The following ART3 variants were observed in gnomAD, a reference collection of about 807,000 sequenced individuals.
ART3 encodes the protein ADP-ribosyltransferase 3 (inactive), also known as ecto-ADP-ribosyltransferase 3.
ART3 carries 49 observed loss-of-function variants against 48.5 expected under a neutral mutation model. That is an observed-to-expected ratio of 1.01 (90% CI 0.80 to 1.28). The LOEUF (loss-of-function observed/expected upper bound fraction) is 1.28, where lower values mean the gene tolerates loss of function less well. ART3 is among the 50% of genes most tolerant of loss of function. The pLI is 0.00. For missense variants in ART3, 438 were observed against 454.3 expected, an observed-to-expected ratio of 0.96 and a Z score of 0.33; for synonymous variants, 145 against 157.2, an observed-to-expected ratio of 0.92 and a Z score of 0.58.
At chr4:76,024,285 G>A (rs977700869) in intron 1 of ART3, among the ~76,000 whole-genome samples, 1 of 151,874 alleles carries the variant, frequency 6.6e-6, no homozygotes, top group East Asian at 1.9e-4. Flanking sequence ...TTGAGGAAAT[G>A]AATTTAAAAG....
chr4:76,019,112 CATA>C (rs1188584797), intron 1 of ART3, among the ~76,000 whole-genome samples: 1 of 145,820 alleles, frequency 6.9e-6, no homozygotes, highest in African/African-American at 2.5e-5. Flanking sequence ...GGAATTTGAA[CATA>C]ATAAGATTCT....
Position 76,081,985 on chromosome 4 carries a change from G to A in ART3, c.231G>A (p.Trp77Ter), listed in dbSNP as rs924418947. 5 of 1,614,008 alleles carry A rather than the reference G, an allele frequency of 3.1e-6. No homozygotes were observed. The highest frequency in any genetic ancestry group is 1.3e-5 in the African/African-American group (1 of 74,920). ...TGTGGGAAAATGCAAAAGCCAAATG[G>A]GCAGCCCGAAAGACTCAAATCTTTC... The part of the protein sequence containing the change: ...DTVWENAKAK[W>*]AARKTQIFLP... The change falls in exon 3 of 12, where the codon TGG (tryptophan) becomes TGA (stop). Residue 77 changes from tryptophan to a stop codon, truncating the protein, a stop_gained. Coordinates refer to ENST00000355810, the MANE Select transcript of ART3 (RefSeq NM_001130016.3). LOFTEE classifies it high-confidence loss of function.
At chr4:76,102,735 TGAGTA>T (rs2149686917) in intron 8 of ART3, among the ~76,000 whole-genome samples, 1 of 151,954 alleles carries the variant, frequency 6.6e-6, no homozygotes, top group African/African-American at 2.4e-5. Flanking sequence ...ATGTTAAGAA[TGAGTA>T]GAGTATTTCC....
chr4:76,081,672 A>G (rs1722505088), intron 2 of ART3, 152 bp from the exon 3 acceptor site: 1 of 693,934 alleles, frequency 1.4e-6, no homozygotes. Context: ...TAGCAATGGA[A>G]TATACTTCCT....
chr4:76,011,947 T>C (rs1181907069), intron 1 of ART3: 2 of 152,182 alleles, frequency 1.3e-5, no homozygotes, highest in South Asian at 4.1e-4. Flanking sequence ...AGAAACCTGA[T>C]GAGAGGATGT....
intron 10 of ART3, 34 bp from the exon 11 acceptor site, chr4:76,107,727 A>G (rs1438179164): frequency 7.5e-7 from 1 of 1,336,262 alleles, no homozygotes; most frequent in Non-Finnish European, 1.0e-6. Context: ...ACAGATATAC[A>G]ATATAACTAA....
chr4:76,024,585 A>G (rs1450864680), intron 1 of ART3, among the ~76,000 whole-genome samples: 1 of 152,190 alleles, frequency 6.6e-6, no homozygotes, highest in African/African-American at 2.4e-5. Flanking sequence ...ACACATGTTG[A>G]ACCTGAGAGT....
intron 1 of ART3, chr4:76,021,584 A>G (rs974414524): frequency 2.5e-5 from 6 of 236,580 alleles, no homozygotes; most frequent in Non-Finnish European, 4.6e-5. Flanking sequence ...AATTCTGATA[A>G]ACCCCAAAGC....
At chr4:76,054,423 G>A (rs1371647705) in intron 1 of ART3, among the ~76,000 whole-genome samples, 1 of 102,968 alleles carries the variant, frequency 9.7e-6, no homozygotes, top group Non-Finnish European at 2.0e-5. Flanking sequence ...AGTTGAGAGT[G>A]CGAATATAAA....
chr4:76,036,995 G>A, intron 1 of ART3: 1 of 180,712 alleles, frequency 5.5e-6, no homozygotes, highest in South Asian at 1.3e-4. Flanking sequence ...CTGTGCCTGG[G>A]CTTGCTCACA....
chr4:76,098,960 T>C lies in ART3; in HGVS notation c.820T>C (p.Phe274Leu), dbSNP rs1292932433. 1.2e-6 allele frequency: 2 copies of C among 1,608,432 alleles called. No individual in the cohort carries two copies. Among genetic ancestry groups the C allele is most frequent in the East Asian group, 4.5e-5 (2 of 44,870 alleles). ...TENCIENLEY[F>L]QPIYVYNPGE... ...AAAACATGTCTGTATTTCAGAATATTTTCAACCCATCTATGTCTACAACCC... is the reference window on the plus strand; with the variant it reads ...AAAACATGTCTGTATTTCAGAATATCTTCAACCCATCTATGTCTACAACCC... Residue 274 changes from phenylalanine (F) to leucine (L), a missense_variant, in exon 5 of 12, where the codon TTT becomes CTT. Phe to Leu is a conservative substitution (Grantham distance 22). This residue lies in a region of ART3 where 227 missense variants were observed against 229.6 expected (regional missense o/e 0.99). Transcript: ENST00000355810.
chr4:76,014,382 C>T (rs970158723), intron 1 of ART3, among the ~76,000 whole-genome samples: 3 of 151,676 alleles, frequency 2.0e-5, no homozygotes, highest in South Asian at 2.1e-4. Context: ...AATGATGGAG[C>T]GGAAAAGTGC....
chr4:76,091,636 T>C (rs1724912727), intron 3 of ART3, among the ~76,000 whole-genome samples: 1 of 152,034 alleles, frequency 6.6e-6, no homozygotes, highest in African/African-American at 2.4e-5. Flanking sequence ...GGTTTTTGTC[T>C]GATATGTGAT....
At chr4:76,092,028 A>C (rs1725019404) in intron 3 of ART3, among the ~76,000 whole-genome samples, 1 of 152,166 alleles carries the variant, frequency 6.6e-6, no homozygotes, top group Admixed American at 6.6e-5. Context: ...ATAGCTATAT[A>C]ATAAACCTCA....
intron 1 of ART3, chr4:76,021,820 T>A (rs553410352): frequency 9.1e-7 from 1 of 1,102,518 alleles, no homozygotes; most frequent in South Asian, 1.3e-5. Flanking sequence ...AACTGCAAAC[T>A]AAGAACAATT....
At position 76,100,332 on chromosome 4, in the gene ART3, T is replaced by G. The variant is rs774958819; in HGVS notation, c.877+12T>G. On this transcript the variant is annotated intron_variant, in intron 6 of 11. Transcript: ENST00000355810. Reference sequence around the variant, plus strand: ...GCTTGAAGACCATAGTAAGACATTTTTATAAATTCTGGGGGCTTGGCCAGG... The same window carrying G: ...GCTTGAAGACCATAGTAAGACATTTGTATAAATTCTGGGGGCTTGGCCAGG... The G allele has an allele frequency of 6.2e-7, 1 of 1,610,780 alleles. No homozygotes were observed. Among genetic ancestry groups the G allele is most frequent in the Non-Finnish European group, 8.5e-7 (1 of 1,177,920 alleles).
At chr4:76,022,559 G>A in intron 1 of ART3, 5 of 1,476,382 alleles carry the variant, frequency 3.4e-6, no homozygotes, top group Non-Finnish European at 4.7e-6. Context: ...CACTCTGCAT[G>A]TTTTTGTTTG....
intron 1 of ART3, among the ~76,000 whole-genome samples, chr4:76,037,851 G>A (rs771142147): frequency 4.0e-4 from 61 of 151,744 alleles, no homozygotes; most frequent in Admixed American, 1.6e-3. Flanking sequence ...TGGTATAATC[G>A]GGGAATTTAT....
intron 1 of ART3, among the ~76,000 whole-genome samples, chr4:76,061,553 T>G (rs1172469647): frequency 1.3e-5 from 2 of 152,212 alleles, no homozygotes; most frequent in Non-Finnish European, 2.9e-5. Flanking sequence ...TCTCCTCTAC[T>G]TCATGGTTTC....
Sources: gnomAD v4.1 joint callset for allele counts (sites outside exome capture counted in the v4.1 genomes callset) on GRCh38, gnomAD v4.1.1 for gene constraint, gnomAD v4.1.1 regional missense constraint, MANE v1.5 for transcripts, NCBI Gene and HGNC (gene_info 2026-07-23, HGNC 2026-07-21) for gene names.